Variants in CHN2 observed in about 807,000 individuals in gnomAD.
CHN2 encodes the protein beta-chimaerin.
In CHN2, 35 loss-of-function variants were observed where a neutral mutation model predicts 56.3. The observed-to-expected ratio is 0.62, with a 90% CI of 0.47 to 0.82. The LOEUF (loss-of-function observed/expected upper bound fraction) is 0.82, where lower values mean the gene tolerates loss of function less well. Among genes scored for constraint, CHN2 ranks in the 40% least tolerant of loss-of-function variants. The probability of loss-of-function intolerance (pLI) is 0.00; values close to 1 mark genes in which losing one functional copy is unlikely to be tolerated. For missense variants in CHN2, 491 were observed against 580.5 expected (o/e 0.85, Z 1.58); for synonymous variants, 210 against 212.8 (o/e 0.99, Z 0.12).
intron 6 of CHN2, among the ~76,000 whole-genome samples, chr7:29,457,945 A>G (rs1430087202): frequency 1.3e-5 from 2 of 152,198 alleles, no homozygotes; most frequent in Non-Finnish European, 1.5e-5. Flanking sequence ...GAATTAGCAC[A>G]TATTTTTAAG....
chr7:29,512,789 A>G lies in CHN2; in HGVS notation c.*54A>G. 1 of 1,543,940 alleles carries G rather than the reference A, an allele frequency of 6.5e-7. No homozygotes were observed. ...CAGCACCATCCAAGTTGACACAGCT[A>G]AAGGAATAAAAACATTTCTTACCAC... On this transcript the variant is annotated 3_prime_UTR_variant, in exon 13 of 13. Transcript: ENST00000222792.
intron 6 of CHN2, among the ~76,000 whole-genome samples, chr7:29,424,145 A>G (rs17157950): frequency 0.073 from 11,166 of 152,294 alleles, 678 homozygotes; most frequent in African/African-American, 0.16. Flanking sequence ...AAAGTCCTAA[A>G]GAAGAAGTTA....
intron 2 of CHN2, among the ~76,000 whole-genome samples, chr7:29,169,766 G>C (rs190123029): frequency 7.2e-4 from 110 of 152,014 alleles, no homozygotes; most frequent in Middle Eastern, 3.4e-3. Context: ...AGTCAGAGCT[G>C]GTGTGCCTAT....
intron 6 of CHN2, among the ~76,000 whole-genome samples, chr7:29,468,136 A>AC (rs761559871): frequency 5.5e-5 from 2 of 36,096 alleles, no homozygotes; most frequent in Non-Finnish European, 1.1e-4. Flanking sequence ...AACCAAACGG[A>AC]CCCGCCCCCC....
At chr7:29,407,919 G>C (rs1461305326) in intron 6 of CHN2, among the ~76,000 whole-genome samples, 1 of 152,182 alleles carries the variant, frequency 6.6e-6, no homozygotes, top group Non-Finnish European at 1.5e-5. Context: ...CGGGCTTGGT[G>C]GCTCATGCCT....
At chr7:29,412,736 T>C (rs1327657953) in intron 6 of CHN2, among the ~76,000 whole-genome samples, 1 of 152,172 alleles carries the variant, frequency 6.6e-6, no homozygotes, top group Non-Finnish European at 1.5e-5. Flanking sequence ...TTTGCAGCAT[T>C]GGATGTGGCC....
At chr7:29,305,445 T>C (rs1024378353) in intron 1 of CHN2, among the ~76,000 whole-genome samples, 1 of 152,086 alleles carries the variant, frequency 6.6e-6, no homozygotes, top group African/African-American at 2.4e-5. Flanking sequence ...GTCTCTTCTA[T>C]GATAAAGATC....
intron 1 of CHN2, among the ~76,000 whole-genome samples, chr7:29,238,543 G>A (rs761823451): frequency 3.9e-5 from 6 of 152,160 alleles, no homozygotes; most frequent in Non-Finnish European, 8.8e-5. Context: ...GGGTATGGTA[G>A]TTAACAAGAC....
intron 1 of CHN2, among the ~76,000 whole-genome samples, chr7:29,210,996 A>T (rs1784879646): frequency 6.6e-6 from 1 of 152,004 alleles, no homozygotes; most frequent in Non-Finnish European, 1.5e-5. Flanking sequence ...TGGCTTTTAC[A>T]CTGAGATAGG....
intron 2 of CHN2, among the ~76,000 whole-genome samples, chr7:29,364,829 C>T (rs1474180940): frequency 6.6e-6 from 1 of 152,172 alleles, no homozygotes; most frequent in Non-Finnish European, 1.5e-5. Context: ...ATCTTTGTCC[C>T]ATTCCTGTCC....
chr7:29,475,081 C>A (rs993770944), intron 6 of CHN2, among the ~76,000 whole-genome samples: 6 of 152,114 alleles, frequency 3.9e-5, no homozygotes, highest in Admixed American at 6.5e-5. Context: ...GTCTTCCTGC[C>A]CATTGACCCA....
intron 1 of CHN2, among the ~76,000 whole-genome samples, chr7:29,234,308 A>G (rs192865966): frequency 6.6e-6 from 1 of 152,352 alleles, no homozygotes; most frequent in East Asian, 1.9e-4. Context: ...ATGACACTAA[A>G]AAAGGGCAGA....
intron 1 of CHN2, among the ~76,000 whole-genome samples, chr7:29,284,818 C>G (rs547699979): frequency 6.6e-6 from 1 of 152,184 alleles, no homozygotes; most frequent in East Asian, 1.9e-4. Context: ...TTAATTTGTT[C>G]TGTAGCAATA....
chr7:29,485,434 A>G (rs1004367623), intron 7 of CHN2, among the ~76,000 whole-genome samples: 4 of 152,200 alleles, frequency 2.6e-5, no homozygotes, highest in Non-Finnish European at 5.9e-5. Context: ...ATAAAAAAAC[A>G]GGAGTAAAAG....
intron 10 of CHN2, among the ~76,000 whole-genome samples, chr7:29,506,524 C>A (rs1424610694): frequency 2.0e-5 from 3 of 152,150 alleles, no homozygotes; most frequent in South Asian, 2.1e-4. Flanking sequence ...GGAATCCCAG[C>A]TACTCAGGAG....
rs141685267 is a variant in CHN2, at chr7:29,451,225, A to T, written c.577-29054A>T. Among the ~76,000 whole-genome samples the T allele has an allele frequency of 2.3e-4, 35 of 152,350 alleles. No homozygotes were observed. The East Asian group carries it at 5.6e-3, about 24-fold the overall frequency. On this transcript the variant is annotated intron_variant, in intron 6 of 12. Transcript: ENST00000222792. ...GGGTTGGAAGAGATTTTTGTCTATT[A>T]TGATGCTGAGAACAGTGCCCAGAAC...
chr7:29,334,049 CTTTTTTTT>C (rs70980529), intron 1 of CHN2, among the ~76,000 whole-genome samples: 4 of 123,136 alleles, frequency 3.2e-5, no homozygotes, highest in African/African-American at 9.5e-5. Context: ...AATTTCTTTT[CTTTTTTTT>C]TTTTTTTTTT....
chr7:29,198,466 T>C (rs1218094340), intron 1 of CHN2, among the ~76,000 whole-genome samples: 1 of 152,190 alleles, frequency 6.6e-6, no homozygotes, highest in African/African-American at 2.4e-5. Context: ...AAAAATACAT[T>C]TTCTGAGAAC....
intron 1 of CHN2, among the ~76,000 whole-genome samples, chr7:29,287,688 G>A (rs535583313): frequency 2.6e-5 from 4 of 152,082 alleles, no homozygotes; most frequent in Non-Finnish European, 4.4e-5. Flanking sequence ...CTGATAGTCC[G>A]TTTGGGTTGT....
Sources: gnomAD v4.1 joint callset for allele counts (sites outside exome capture counted in the v4.1 genomes callset) on GRCh38, gnomAD v4.1.1 for gene constraint, MANE v1.5 for transcripts, NCBI Gene and HGNC (gene_info 2026-07-23, HGNC 2026-07-21) for gene names.